CACNB4: variants seen among roughly 807,000 people sequenced by gnomAD.
CACNB4 encodes the protein voltage-dependent L-type calcium channel subunit beta-4.
A neutral mutation model predicts 71.2 loss-of-function variants in CACNB4; 32 were observed. The observed-to-expected ratio is 0.45, with a 90% CI of 0.34 to 0.60. The LOEUF is 0.60. Ranked by LOEUF, CACNB4 falls within the 20% of genes least tolerant of loss-of-function variation. The probability of loss-of-function intolerance (pLI) is 0.01; values close to 1 mark genes in which losing one functional copy is unlikely to be tolerated. For missense variants in CACNB4, 464 were observed against 647.9 expected, an observed-to-expected ratio of 0.72 and a Z score of 3.08; for synonymous variants, 231 against 236.9, an observed-to-expected ratio of 0.97 and a Z score of 0.23.
intron 2 of CACNB4, among the ~76,000 whole-genome samples, chr2:151,960,821 T>C (rs1395292939): frequency 6.6e-6 from 1 of 152,190 alleles, no homozygotes; most frequent in Non-Finnish European, 1.5e-5. Flanking sequence ...CTTTCAGAAT[T>C]CCATTAGTTT....
chr2:151,889,014 G>A (rs1451639597), intron 2 of CACNB4, among the ~76,000 whole-genome samples: 1 of 152,136 alleles, frequency 6.6e-6, no homozygotes, highest in Non-Finnish European at 1.5e-5. Flanking sequence ...TTAATTTTTA[G>A]AATTTTAAAG....
Position 151,971,536 on chromosome 2 carries a change from C to G in CACNB4, c.148-88166G>C, listed in dbSNP as rs1044229512. The G allele has an allele frequency of 1.3e-5, 9 of 702,860 alleles. No homozygotes were observed. Among genetic ancestry groups the G allele is most frequent in the East Asian group, 2.7e-5 (1 of 37,290 alleles). The allele number at this position is 702,860 out of a possible 1,614,324, so 43.5% of individuals were successfully genotyped here. A position where few individuals can be genotyped will look rare whatever the true frequency, so the allele number is the denominator to read the frequency against. The stretch of plus-strand genomic sequence containing the variant: ...CTCTGCTTCCATCTGGACAACCCCC[C>G]ACACTTACAGCCATAAATGCATTGG... On this transcript the variant is annotated intron_variant, in intron 2 of 13. Coordinates refer to ENST00000539935, the MANE Select transcript of CACNB4 (RefSeq NM_000726.5).
intron 2 of CACNB4, chr2:151,973,720 G>C (rs776800274): frequency 6.2e-7 from 1 of 1,612,958 alleles, no homozygotes. Context: ...ACATGGAGGT[G>C]TGATAATCCA....
At position 152,098,625 on chromosome 2, in the gene CACNB4, G is replaced by T. The variant is rs1343181866; in HGVS notation, c.64-212C>A. On this transcript the variant is annotated intron_variant, in intron 1 of 13. Coordinates refer to ENST00000539935, the MANE Select transcript of CACNB4 (RefSeq NM_000726.5). This position sits in a 1 kb window ranked among gnomAD's most constrained non-coding sequence, Gnocchi z 5.3. The stretch of plus-strand genomic sequence containing the variant: ...GCTGAAAAGATGCTCGAGAAGAGCA[G>T]CCCGCAAGCACCCACCACATCCATT... The T allele has an allele frequency of 6.6e-7, 1 of 1,511,214 alleles. No homozygotes were observed. The highest frequency in any genetic ancestry group is 9.0e-7 in the Non-Finnish European group (1 of 1,113,664). The allele number at this position is 1,511,214 out of a possible 1,614,324, so 93.6% of individuals were successfully genotyped here. A position where few individuals can be genotyped will look rare whatever the true frequency, so the allele number is the denominator to read the frequency against.
At chr2:151,860,889 C>A in intron 9 of CACNB4, 69 bp from the exon 10 acceptor site, 1 of 987,022 alleles carries the variant, frequency 1.0e-6, no homozygotes, top group African/African-American at 1.6e-5. Flanking sequence ...TGATTTATAA[C>A]CACAGTACTT....
rs369276166 is a variant in CACNB4, at chr2:151,842,014, C to A, written c.1191G>T (p.Ala397=). 2.5e-6 allele frequency: 4 copies of A among 1,613,608 alleles called. No individual in the cohort carries two copies. The East Asian group carries it at 8.9e-5, about 36-fold the overall frequency. ...TGGTTGTGTGGGTGGCACGCCAGTA[C>A]GCCTCCAGGTACTCCCCTAGATGTT... The part of the protein sequence containing the change: ...ACEHLGEYLE[A]YWRATHTTSS... Residue 397 remains alanine (A), a synonymous_variant, in exon 13 of 14, where the codon GCG becomes GCT. Coordinates refer to ENST00000539935, the MANE Select transcript of CACNB4 (RefSeq NM_000726.5).
chr2:151,867,522 A>C (rs921771763), intron 9 of CACNB4: 1 of 152,248 alleles, frequency 6.6e-6, no homozygotes, highest in African/African-American at 2.4e-5. Flanking sequence ...TCTAGGATTC[A>C]GGGCTTTTAA....
chr2:151,906,449 T>C (rs963287709), intron 2 of CACNB4, among the ~76,000 whole-genome samples: 1 of 152,190 alleles, frequency 6.6e-6, no homozygotes, highest in African/African-American at 2.4e-5. Flanking sequence ...TGTTCCCCAC[T>C]GCTAGGGAAG....
chr2:151,863,553 A>G (rs926847131), intron 9 of CACNB4, among the ~76,000 whole-genome samples: 1 of 152,148 alleles, frequency 6.6e-6, no homozygotes, highest in African/African-American at 2.4e-5. Flanking sequence ...GGGCCCAACA[A>G]CCCAGAAAGT....
At chr2:152,075,222 G>A (rs535629216) in intron 2 of CACNB4, among the ~76,000 whole-genome samples, 1 of 152,166 alleles carries the variant, frequency 6.6e-6, no homozygotes, top group Non-Finnish European at 1.5e-5. Flanking sequence ...CACACAAACA[G>A]AAAGTGATAG....
intron 2 of CACNB4, among the ~76,000 whole-genome samples, chr2:151,978,444 A>C (rs978848929): frequency 6.6e-6 from 1 of 152,032 alleles, no homozygotes; most frequent in Non-Finnish European, 1.5e-5. Context: ...CCATGAAGCA[A>C]AGTGCTTATG....
intron 2 of CACNB4, among the ~76,000 whole-genome samples, chr2:152,043,968 G>A (rs190141547): frequency 5.3e-4 from 81 of 152,232 alleles, no homozygotes; most frequent in African/African-American, 1.9e-3. Context: ...TTACTCAGGA[G>A]ACTAAGGTGA....
chr2:152,012,603 CA>C (rs35418691), intron 2 of CACNB4, among the ~76,000 whole-genome samples: 56,337 of 123,178 alleles, frequency 0.46, 13,852 homozygotes, highest in Non-Finnish European at 0.58. Context: ...CGCTCCATCT[CA>C]AAAAAAAAAA....
At chr2:151,974,952 G>C (rs2099873516) in intron 2 of CACNB4, among the ~76,000 whole-genome samples, 1 of 152,140 alleles carries the variant, frequency 6.6e-6, no homozygotes, top group African/African-American at 2.4e-5. Flanking sequence ...CTGCATGACT[G>C]ACTGGGTAAG....
Position 151,883,257 on chromosome 2 carries a change from T to C in CACNB4, c.261A>G (p.Arg87=), listed in dbSNP as rs2099848430. The C allele has an allele frequency of 1.2e-6, 2 of 1,613,910 alleles. No homozygotes were observed. Among genetic ancestry groups the C allele is most frequent in the South Asian group, 2.2e-5 (2 of 91,076 alleles). Residue 87 remains arginine, a synonymous_variant, in exon 3 of 14, where the codon AGA becomes AGG. Coordinates refer to ENST00000539935, the MANE Select transcript of CACNB4 (RefSeq NM_000726.5). ...GAGAAGGAAAGAGACTCACCTTTGC[T>C]CTCTCAAGCTGGATAGCTGCTTGCT... The part of the protein sequence containing the change: ...REQQAAIQLE[R]AKSKPVAFAV...
rs566246110 is a variant in CACNB4 at position 151,942,396 on chromosome 2, A to G, written c.148-59026T>C. 2.0e-5 allele frequency among the ~76,000 whole-genome samples: 3 copies of G among 149,362 alleles called. 1 individual carries two copies. Among genetic ancestry groups the G allele is most frequent in the African/African-American group, 7.8e-5 (3 of 38,692 alleles). On this transcript the variant is annotated intron_variant, in intron 2 of 13. Coordinates refer to ENST00000539935, the MANE Select transcript of CACNB4 (RefSeq NM_000726.5). ...ATCCTGTTGTCTTCGTAAGCTGAGGATGTACATCACCTCAGGACCACTGTG... is the reference window on the plus strand; with the variant it reads ...ATCCTGTTGTCTTCGTAAGCTGAGGGTGTACATCACCTCAGGACCACTGTG...
At position 152,074,390 on chromosome 2, in the gene CACNB4, C is replaced by T. The variant is rs182826456; in HGVS notation, c.147+23940G>A. On this transcript the variant is annotated intron_variant, in intron 2 of 13. Transcript: ENST00000539935. ...ATTCCCACCCTCCTCTCCGCCATCA[C>T]CAACATCACCATCATCACCACCAGC... Among the ~76,000 whole-genome samples the T allele has an allele frequency of 2.6e-5, 4 of 151,998 alleles. No homozygotes were observed. In the East Asian group the frequency reaches 5.8e-4, roughly 22 times the overall value.
chr2:152,031,461 C>A (rs1419226196), intron 2 of CACNB4, among the ~76,000 whole-genome samples: 1 of 152,194 alleles, frequency 6.6e-6, no homozygotes, highest in Non-Finnish European at 1.5e-5. Context: ...TGAGCGGAGA[C>A]TTCTTCTCCT....
chr2:152,029,507 A>AAAAAAAAAAAAAAAG (rs1553815872), intron 2 of CACNB4, among the ~76,000 whole-genome samples: 5 of 104,746 alleles, frequency 4.8e-5, no homozygotes, highest in Non-Finnish European at 9.0e-5. Flanking sequence ...AAAAAAAAAA[A>AAAAAAAAAAAAAAAG]AAAAGAAAAG....
Sources: gnomAD v4.1 joint callset for allele counts (sites outside exome capture counted in the v4.1 genomes callset) on GRCh38, gnomAD v4.1.1 for gene constraint, Gnocchi (gnomAD v3.1) non-coding constraint, MANE v1.5 for transcripts, NCBI Gene and HGNC (gene_info 2026-07-23, HGNC 2026-07-21) for gene names.